Variants in AGBL4 observed in about 807,000 individuals in gnomAD.
AGBL4 encodes the protein cytosolic carboxypeptidase 6.
A neutral mutation model predicts 66.4 loss-of-function variants in AGBL4; 58 were observed. The ratio of observed to expected loss-of-function variants is 0.87; its 90% confidence interval spans 0.71 to 1.09. The LOEUF (loss-of-function observed/expected upper bound fraction) is 1.09. Ranked by LOEUF, AGBL4 falls within the 50% of genes least tolerant of loss-of-function variation. AGBL4 has a pLI of 0.00. For synonymous variants in AGBL4, 234 were observed against 222.9 expected, an observed-to-expected ratio of 1.05 and a Z score of -0.44; for missense variants, 579 against 631.0, an observed-to-expected ratio of 0.92 and a Z score of 0.88.
At chr1:48,621,332 G>A (rs1428283970) in intron 9 of AGBL4, among the ~76,000 whole-genome samples, 3 of 152,156 alleles carry the variant, frequency 2.0e-5, no homozygotes, top group Non-Finnish European at 4.4e-5. Context: ...GGGTTGGGCT[G>A]GATTCAAGAG....
At chr1:48,817,861 GT>G in intron 6 of AGBL4, 2 of 603,840 alleles carry the variant, frequency 3.3e-6, no homozygotes, top group Non-Finnish European at 5.9e-6. Flanking sequence ...CCCAGTGTGT[GT>G]TTTTGTGTGC....
At chr1:49,917,861 C>G (rs1223528837) in intron 1 of AGBL4, among the ~76,000 whole-genome samples, 7 of 151,986 alleles carry the variant, frequency 4.6e-5, no homozygotes, top group African/African-American at 9.7e-5. Flanking sequence ...AAATGCAAAA[C>G]AACAGAAATT....
chr1:49,364,963 T>G (rs956828668), intron 3 of AGBL4, among the ~76,000 whole-genome samples: 10 of 152,310 alleles, frequency 6.6e-5, no homozygotes, highest in Middle Eastern at 3.4e-3. Flanking sequence ...AGTTCATGCA[T>G]GTGAAATGGT....
intron 3 of AGBL4, among the ~76,000 whole-genome samples, chr1:49,328,862 C>A (rs989868245): frequency 1.3e-5 from 2 of 152,222 alleles, no homozygotes; most frequent in African/African-American, 4.8e-5. Flanking sequence ...GCATGCAGTG[C>A]CCTCTATCCT....
chr1:49,811,727 T>A (rs1258206604), intron 2 of AGBL4, among the ~76,000 whole-genome samples: 2 of 152,152 alleles, frequency 1.3e-5, no homozygotes, highest in Non-Finnish European at 2.9e-5. Context: ...AGTGCTGGGA[T>A]TACAGGCATG....
At chr1:49,041,763 T>A (rs1643948495) in intron 5 of AGBL4, among the ~76,000 whole-genome samples, 4 of 152,178 alleles carry the variant, frequency 2.6e-5, no homozygotes, top group Non-Finnish European at 5.9e-5. Context: ...GCAGCCAATA[T>A]GAAAATCAGG....
chr1:49,301,923 C>T (rs1259584967), intron 3 of AGBL4, among the ~76,000 whole-genome samples: 1 of 152,130 alleles, frequency 6.6e-6, no homozygotes, highest in Non-Finnish European at 1.5e-5. Flanking sequence ...AAACTCTAGC[C>T]TCCAAATTCT....
At chr1:49,779,287 C>A (rs1644277036) in intron 2 of AGBL4, among the ~76,000 whole-genome samples, 1 of 152,082 alleles carries the variant, frequency 6.6e-6, no homozygotes, top group Admixed American at 6.6e-5. Flanking sequence ...TTAATGAATA[C>A]CATGAGCAAA....
intron 3 of AGBL4, among the ~76,000 whole-genome samples, chr1:49,494,767 T>A (rs1001858975): frequency 2.0e-5 from 3 of 152,040 alleles, no homozygotes; most frequent in Admixed American, 2.0e-4. Flanking sequence ...CAGCATGATT[T>A]ATAGTCCTTT....
At chr1:49,230,047 G>C (rs1254547678) in intron 4 of AGBL4, among the ~76,000 whole-genome samples, 1 of 152,210 alleles carries the variant, frequency 6.6e-6, no homozygotes, top group East Asian at 1.9e-4. Flanking sequence ...ATACCAGGTA[G>C]AGCCTGTCTT....
chr1:49,853,897 A>G (rs1646366384), intron 1 of AGBL4, among the ~76,000 whole-genome samples: 1 of 152,084 alleles, frequency 6.6e-6, no homozygotes, highest in Admixed American at 6.5e-5. Flanking sequence ...GAGATAATTT[A>G]TTATCAACAG....
intron 2 of AGBL4, among the ~76,000 whole-genome samples, chr1:49,806,460 G>A (rs1240525915): frequency 6.6e-6 from 1 of 152,090 alleles, no homozygotes; most frequent in East Asian, 1.9e-4. Context: ...AGTGTTGAAG[G>A]TGCAACTTGG....
At chr1:49,293,619 G>A (rs1557813873) in intron 3 of AGBL4, among the ~76,000 whole-genome samples, 1 of 152,058 alleles carries the variant, frequency 6.6e-6, no homozygotes, top group Non-Finnish European at 1.5e-5. Flanking sequence ...ATGTCTCTTT[G>A]AGCACTAAGT....
intron 2 of AGBL4, among the ~76,000 whole-genome samples, chr1:49,824,859 T>C (rs185717058): frequency 6.6e-6 from 1 of 152,338 alleles, no homozygotes. Context: ...ATAAGATGCG[T>C]GGGCTTCATT....
At chr1:48,966,521 T>C (rs944756840) in intron 5 of AGBL4, among the ~76,000 whole-genome samples, 1 of 151,938 alleles carries the variant, frequency 6.6e-6, no homozygotes, top group African/African-American at 2.4e-5. Flanking sequence ...CTTAAGGGGG[T>C]CATTTGCAGA....
At chr1:48,861,264 C>A (rs1647439887) in intron 6 of AGBL4, among the ~76,000 whole-genome samples, 2 of 152,220 alleles carry the variant, frequency 1.3e-5, no homozygotes, top group South Asian at 4.1e-4. Flanking sequence ...CCATGGAGGG[C>A]TGCTTAATAG....
chr1:49,293,856 T>G (rs961904772), intron 3 of AGBL4, among the ~76,000 whole-genome samples: 6 of 152,236 alleles, frequency 3.9e-5, no homozygotes, highest in Admixed American at 3.9e-4. Flanking sequence ...GGTAAGTCAG[T>G]GCTTTAATTA....
intron 4 of AGBL4, among the ~76,000 whole-genome samples, chr1:49,048,022 T>C (rs1571320232): frequency 6.6e-6 from 1 of 152,100 alleles, no homozygotes; most frequent in Non-Finnish European, 1.5e-5. Context: ...GGCAGGCTGG[T>C]GGCATACACG....
chr1:49,011,424 C>T (rs949817124), intron 5 of AGBL4, among the ~76,000 whole-genome samples: 3 of 152,178 alleles, frequency 2.0e-5, no homozygotes, highest in Non-Finnish European at 4.4e-5. Flanking sequence ...CACTTTTACA[C>T]TGTTGGTGGG....
Sources: gnomAD v4.1 joint callset for allele counts (sites outside exome capture counted in the v4.1 genomes callset) on GRCh38, gnomAD v4.1.1 for gene constraint, MANE v1.5 for transcripts, NCBI Gene and HGNC (gene_info 2026-07-23, HGNC 2026-07-21) for gene names.